The following NAALADL2 variants were observed in gnomAD, a reference collection of about 807,000 sequenced individuals.
The protein encoded by NAALADL2 is N-acetylated alpha-linked acidic dipeptidase like 2, also known as inactive N-acetylated-alpha-linked acidic dipeptidase-like protein 2.
In NAALADL2, 76 loss-of-function variants were observed where a neutral mutation model predicts 87.2. The ratio of observed to expected loss-of-function variants is 0.87; its 90% CI spans 0.72 to 1.05. NAALADL2 has a LOEUF of 1.05. Among genes scored for constraint, NAALADL2 ranks in the 50% least tolerant of loss-of-function variants. NAALADL2 has a pLI of 0.00. For missense variants in NAALADL2, 1,089 were observed against 945.8 expected, an observed-to-expected ratio of 1.15 and a Z score of -1.99; for synonymous variants, 354 against 331.0, an observed-to-expected ratio of 1.07 and a Z score of -0.75.
intron 2 of NAALADL2, among the ~76,000 whole-genome samples, chr3:175,161,452 A>G (rs1460423854): frequency 6.6e-6 from 1 of 152,172 alleles, no homozygotes; most frequent in Non-Finnish European, 1.5e-5. Flanking sequence ...AAGCTATGCC[A>G]TAGATAATTA....
chr3:175,411,951 T>G (rs947463961), intron 5 of NAALADL2, among the ~76,000 whole-genome samples: 7 of 151,958 alleles, frequency 4.6e-5, no homozygotes, highest in Admixed American at 1.3e-4. Context: ...AGTCAAATTA[T>G]GAGATCACAT....
chr3:174,828,562 A>T (rs1317708691), intron 3 of NAALADL2, among the ~76,000 whole-genome samples: 1 of 152,224 alleles, frequency 6.6e-6, no homozygotes, highest in Non-Finnish European at 1.5e-5. Context: ...ACTGAAACTA[A>T]TTAAAACAAA....
At chr3:175,051,997 G>A (rs9874081) in intron 1 of NAALADL2, among the ~76,000 whole-genome samples, 63,235 of 152,072 alleles carry the variant, frequency 0.42, 15,408 homozygotes, top group African/African-American at 0.68. Context: ...GGAGTGGGAA[G>A]TCAGGGGTCT....
rs77468149 is a variant in NAALADL2, at chr3:175,596,604, A to G, written c.1800+20417A>G. On this transcript the variant is annotated intron_variant, in intron 10 of 13. Transcript: ENST00000454872. ...CGAATCCAGACTGAGTTTTTTTCCC[A>G]TGTTGAGAAGTCTGCTCTCCAGTAA... 3.2e-4 allele frequency among the ~76,000 whole-genome samples: 49 copies of G among 151,854 alleles called. No individual in the cohort carries two copies. The East Asian group carries it at 9.1e-3, about 28-fold the overall frequency.
intron 2 of NAALADL2, among the ~76,000 whole-genome samples, chr3:174,716,634 C>G (rs2108935677): frequency 6.6e-6 from 1 of 151,144 alleles, no homozygotes; most frequent in South Asian, 2.1e-4. Context: ...ATATTCCAGG[C>G]TAAGATTAAA....
chr3:174,937,498 A>G (rs2108450007), intron 1 of NAALADL2, among the ~76,000 whole-genome samples: 1 of 152,172 alleles, frequency 6.6e-6, no homozygotes, highest in South Asian at 2.1e-4. Flanking sequence ...CTTAGAACCA[A>G]TTTTGTTATA....
chr3:174,671,848 A>G (rs1022966162), intron 2 of NAALADL2, among the ~76,000 whole-genome samples: 4 of 151,982 alleles, frequency 2.6e-5, no homozygotes, highest in African/African-American at 4.8e-5. Flanking sequence ...TTTCTGACCA[A>G]ATAAGGTTCT....
intron 2 of NAALADL2, among the ~76,000 whole-genome samples, chr3:174,580,852 G>C (rs1272762644): frequency 6.6e-6 from 1 of 152,090 alleles, no homozygotes; most frequent in Non-Finnish European, 1.5e-5. Context: ...AGATACCTAA[G>C]AGTGGAATGG....
At chr3:175,425,256 A>G (rs1716580280) in intron 5 of NAALADL2, among the ~76,000 whole-genome samples, 1 of 152,224 alleles carries the variant, frequency 6.6e-6, no homozygotes, top group African/African-American at 2.4e-5. Flanking sequence ...GTTCTGTAGG[A>G]CATACAAATA....
At chr3:175,232,888 A>G (rs1283880134) in intron 2 of NAALADL2, among the ~76,000 whole-genome samples, 1 of 104,540 alleles carries the variant, frequency 9.6e-6, no homozygotes, top group East Asian at 2.7e-4. Flanking sequence ...TTAATATTTC[A>G]GCCACAAAAT....
At chr3:175,667,241 A>AAGAAAGAGAGAGAAAG in intron 11 of NAALADL2, among the ~76,000 whole-genome samples, 1 of 91,788 alleles carries the variant, frequency 1.1e-5, no homozygotes, top group Non-Finnish European at 2.2e-5. Flanking sequence ...GAAAGAAAGA[A>AAGAAAGAGAGAGAAAG]AAAGAAAGAA....
intron 9 of NAALADL2, among the ~76,000 whole-genome samples, chr3:175,544,927 T>G (rs1713035364): frequency 6.6e-6 from 1 of 152,176 alleles, no homozygotes; most frequent in African/African-American, 2.4e-5. Flanking sequence ...GCAAGCCTTC[T>G]TTCCAATGAA....
At chr3:175,667,743 G>GTTTTTT (rs58514374) in intron 11 of NAALADL2, among the ~76,000 whole-genome samples, 186 of 120,036 alleles carry the variant, frequency 1.5e-3, no homozygotes, top group African/African-American at 5.2e-3. Flanking sequence ...GTTTTTTGCT[G>GTTTTTT]TTTTTTTTTT....
intron 3 of NAALADL2, among the ~76,000 whole-genome samples, chr3:174,801,206 A>G (rs1032560446): frequency 3.3e-5 from 5 of 152,130 alleles, no homozygotes; most frequent in Non-Finnish European, 7.3e-5. Flanking sequence ...TCCCCACCCA[A>G]ATCTCTTCTG....
chr3:175,133,083 G>A (rs1199742083), intron 2 of NAALADL2, among the ~76,000 whole-genome samples: 3 of 149,630 alleles, frequency 2.0e-5, no homozygotes, highest in Admixed American at 1.3e-4. Context: ...CATCCCAGAC[G>A]GGGCGGCGGG....
intron 5 of NAALADL2, among the ~76,000 whole-genome samples, chr3:175,380,460 T>G (rs1767659758): frequency 6.6e-6 from 1 of 152,170 alleles, no homozygotes; most frequent in Non-Finnish European, 1.5e-5. Context: ...GGTCTCATTT[T>G]TCCATTTTTT....
intron 9 of NAALADL2, among the ~76,000 whole-genome samples, chr3:175,550,089 A>T (rs895486143): frequency 1.3e-5 from 2 of 152,112 alleles, no homozygotes; most frequent in African/African-American, 4.8e-5. Context: ...GTGTAGGATC[A>T]CCTATACGGT....
At position 175,368,833 on chromosome 3, in the gene NAALADL2, A is replaced by G. The variant is rs188729750; in HGVS notation, c.1090+44508A>G. ...GTACTGAACACTGTAGGCAATTACA[A>G]TGCAGTGGTATTTGTATATCTAAAC... On this transcript the variant is annotated intron_variant, in intron 5 of 13. Coordinates refer to ENST00000454872, the MANE Select transcript of NAALADL2 (RefSeq NM_207015.3). 1.1e-4 allele frequency among the ~76,000 whole-genome samples: 16 copies of G among 152,222 alleles called. No individual in the cohort carries two copies. The East Asian group carries it at 2.7e-3, about 26-fold the overall frequency.
At chr3:175,077,150 T>G (rs1716758245) in intron 1 of NAALADL2, among the ~76,000 whole-genome samples, 1 of 152,204 alleles carries the variant, frequency 6.6e-6, no homozygotes, top group Non-Finnish European at 1.5e-5. Flanking sequence ...CTCTTCTGTA[T>G]TTTTTCAAAT....
Sources: allele counts gnomAD v4.1 joint callset (sites outside exome capture counted in the v4.1 genomes callset), GRCh38; gene constraint gnomAD v4.1.1; transcripts MANE v1.5; gene names NCBI Gene and HGNC (gene_info 2026-07-23, HGNC 2026-07-21).